PITPNC1: variants seen among roughly 807,000 people sequenced by gnomAD.
The protein encoded by PITPNC1 is cytoplasmic phosphatidylinositol transfer protein 1.
A neutral mutation model predicts 44.7 loss-of-function variants in PITPNC1; 18 were observed. The ratio of observed to expected loss-of-function variants is 0.40; its 90% CI spans 0.28 to 0.60. PITPNC1 has a LOEUF of 0.60. Among genes scored for constraint, PITPNC1 ranks in the 20% least tolerant of loss-of-function variants. The pLI, the probability that PITPNC1 is intolerant of heterozygous loss-of-function variation, is 0.39. For missense variants in PITPNC1, 290 were observed against 418.4 expected, an observed-to-expected ratio of 0.69 and a Z score of 2.68; for synonymous variants, 141 against 149.6, an observed-to-expected ratio of 0.94 and a Z score of 0.42.
intron 1 of PITPNC1, among the ~76,000 whole-genome samples, chr17:67,444,852 G>A (rs1480734874): frequency 1.3e-5 from 2 of 152,016 alleles, no homozygotes; most frequent in South Asian, 2.1e-4. Flanking sequence ...AGCCAAGATC[G>A]CACCACTGCA....
chr17:67,528,323 T>A (rs2040417221), intron 1 of PITPNC1, among the ~76,000 whole-genome samples: 3 of 152,252 alleles, frequency 2.0e-5, no homozygotes, highest in Admixed American at 2.0e-4. Context: ...ATTACAGGCA[T>A]GAGCCGCTGC....
At chr17:67,559,071 A>G (rs958899955) in intron 4 of PITPNC1, among the ~76,000 whole-genome samples, 1 of 152,192 alleles carries the variant, frequency 6.6e-6, no homozygotes, top group African/African-American at 2.4e-5. Flanking sequence ...TCTGGGCCTT[A>G]TCAAGCTCCC....
intron 5 of PITPNC1, among the ~76,000 whole-genome samples, chr17:67,593,386 G>T (rs1484562149): frequency 6.6e-6 from 1 of 151,068 alleles, no homozygotes; most frequent in African/African-American, 2.4e-5. Flanking sequence ...GCTGTTTTTT[G>T]GCTTTTTGAT....
At chr17:67,425,179 C>T (rs1364357693) in intron 1 of PITPNC1, among the ~76,000 whole-genome samples, 2 of 131,170 alleles carry the variant, frequency 1.5e-5, no homozygotes, top group East Asian at 6.0e-4. Flanking sequence ...AATAAACAGC[C>T]ATGTTGTGCG....
intron 1 of PITPNC1, among the ~76,000 whole-genome samples, chr17:67,466,894 C>T (rs2039435719): frequency 1.3e-5 from 2 of 152,060 alleles, no homozygotes; most frequent in African/African-American, 4.8e-5. Context: ...ATCCAGCAAG[C>T]AATCTAGCTC....
At chr17:67,572,895 G>A (rs1044846487) in intron 4 of PITPNC1, among the ~76,000 whole-genome samples, 8 of 152,098 alleles carry the variant, frequency 5.3e-5, no homozygotes, top group Admixed American at 3.3e-4. Flanking sequence ...GGGAAGAAGG[G>A]GATGTAAAGA....
intron 1 of PITPNC1, chr17:67,378,962 GC>G (rs1257572030): frequency 2.0e-6 from 2 of 985,030 alleles, no homozygotes; most frequent in African/African-American, 3.5e-5. Flanking sequence ...CGGGGCGGGG[GC>G]TCGTCCTCCA....
rs896615731 is a variant in PITPNC1, at chr17:67,682,490, TG to T, written c.682+6949del. Among the ~76,000 whole-genome samples the T allele has an allele frequency of 1.1e-4, 16 of 152,234 alleles. No homozygotes were observed. The South Asian group carries it at 2.7e-3, about 26-fold the overall frequency. Reference sequence around the variant, plus strand: ...CGCCCTGAGATAAGAGTCTGGGATCTGATCTCTCCTCACCTGAAGGAGAGCA... The same window carrying T: ...CGCCCTGAGATAAGAGTCTGGGATCTATCTCTCCTCACCTGAAGGAGAGCA... On this transcript the variant is annotated intron_variant, in intron 8 of 8. Coordinates refer to ENST00000581322, the MANE Select transcript of PITPNC1 (RefSeq NM_012417.4).
At chr17:67,473,156 G>A (rs2039570926) in intron 1 of PITPNC1, among the ~76,000 whole-genome samples, 1 of 152,280 alleles carries the variant, frequency 6.6e-6, no homozygotes, top group African/African-American at 2.4e-5. Context: ...GAATACAGGT[G>A]TGAGCCACCG....
chr17:67,504,886 C>G (rs796799002), intron 1 of PITPNC1, among the ~76,000 whole-genome samples: 1 of 152,206 alleles, frequency 6.6e-6, no homozygotes, highest in Non-Finnish European at 1.5e-5. Flanking sequence ...ATACACTTCT[C>G]TTTAGGTAGC....
chr17:67,540,543 A>C (rs1345266548), intron 2 of PITPNC1, among the ~76,000 whole-genome samples: 1 of 152,206 alleles, frequency 6.6e-6, no homozygotes, highest in Non-Finnish European at 1.5e-5. Context: ...TAAAATCGAA[A>C]ATATAAATTC....
intron 1 of PITPNC1, among the ~76,000 whole-genome samples, chr17:67,411,341 A>G (rs961321944): frequency 1.3e-5 from 2 of 152,166 alleles, no homozygotes; most frequent in African/African-American, 2.4e-5. Context: ...GGGCAAATCT[A>G]CAGCTTATAA....
chr17:67,642,039 C>A (rs985447866), intron 6 of PITPNC1, among the ~76,000 whole-genome samples: 1 of 151,918 alleles, frequency 6.6e-6, no homozygotes, highest in Non-Finnish European at 1.5e-5. Flanking sequence ...CCACACCCTG[C>A]GGCTACATTA....
At chr17:67,672,625 TAATAA>T (rs2042534810) in intron 7 of PITPNC1, among the ~76,000 whole-genome samples, 1 of 151,342 alleles carries the variant, frequency 6.6e-6, no homozygotes, top group Admixed American at 6.6e-5. Flanking sequence ...ATAATAATAA[TAATAA>T]TTTAAAAGGC....
chr17:67,672,684 A>G (rs2042535487), intron 7 of PITPNC1, among the ~76,000 whole-genome samples: 1 of 152,114 alleles, frequency 6.6e-6, no homozygotes, highest in Non-Finnish European at 1.5e-5. Flanking sequence ...CTTTTCTCAC[A>G]GATGACTCAG....
At chr17:67,467,969 G>C (rs193007230) in intron 1 of PITPNC1, among the ~76,000 whole-genome samples, 1 of 152,192 alleles carries the variant, frequency 6.6e-6, no homozygotes, top group Non-Finnish European at 1.5e-5. Flanking sequence ...CTCTCGGCTT[G>C]GTGCTGGGGC....
chr17:67,555,940 C>G (rs2040833512), intron 4 of PITPNC1, among the ~76,000 whole-genome samples: 1 of 152,188 alleles, frequency 6.6e-6, no homozygotes, highest in Non-Finnish European at 1.5e-5. Context: ...GCAATTATCT[C>G]TGTCATTTGG....
chr17:67,565,021 A>T lies in PITPNC1; in HGVS notation c.294+11404A>T, dbSNP rs150341721. ...ATATACTAGTTTTTCAATGTTTTTC[A>T]GTGTGTATACTCGTTTGCCATGTTT... On this transcript the variant is annotated intron_variant, in intron 4 of 8. Coordinates refer to ENST00000581322, the MANE Select transcript of PITPNC1 (RefSeq NM_012417.4). Among the ~76,000 whole-genome samples the T allele has an allele frequency of 7.8e-4, 118 of 151,918 alleles. 1 individual carries two copies. Among genetic ancestry groups the T allele is most frequent in the African/African-American group, 2.8e-3 (115 of 41,414 alleles).
At chr17:67,672,000 T>C (rs1204581973) in intron 7 of PITPNC1, among the ~76,000 whole-genome samples, 2 of 152,044 alleles carry the variant, frequency 1.3e-5, no homozygotes, top group African/African-American at 2.4e-5. Flanking sequence ...AGTGACATGA[T>C]CTCGGCTCAC....
Sources: allele counts gnomAD v4.1 joint callset (sites outside exome capture counted in the v4.1 genomes callset), GRCh38; gene constraint gnomAD v4.1.1; transcripts MANE v1.5; gene names NCBI Gene and HGNC (gene_info 2026-07-23, HGNC 2026-07-21).